The following PRKD1 variants were observed in gnomAD, a reference collection of about 807,000 sequenced individuals.
PRKD1 encodes the protein protein kinase D1.
In PRKD1, 63 loss-of-function variants were observed where a neutral mutation model predicts 95.9. That is an observed-to-expected ratio of 0.66 (90% CI 0.54 to 0.81). The LOEUF is 0.81. Among genes scored for constraint, PRKD1 ranks in the 30% least tolerant of loss-of-function variants. PRKD1 has a pLI of 0.00. For missense variants in PRKD1, 1,048 were observed against 1,165.3 expected (o/e 0.90, Z 1.47); for synonymous variants, 425 against 423.1 (o/e 1.00, Z -0.05).
intron 2 of PRKD1, among the ~76,000 whole-genome samples, chr14:29,710,053 A>C (rs1248111438): frequency 6.6e-6 from 1 of 152,174 alleles, no homozygotes. Context: ...TGAATTAAAA[A>C]ACAGAACTAT....
At chr14:29,775,168 G>A (rs971095111) in intron 1 of PRKD1, among the ~76,000 whole-genome samples, 13 of 152,286 alleles carry the variant, frequency 8.5e-5, no homozygotes, top group African/African-American at 2.4e-4. Context: ...GGACCGAGAG[G>A]TTCCAAGATG....
chr14:29,821,185 C>T (rs552244412), intron 1 of PRKD1, among the ~76,000 whole-genome samples: 1 of 152,226 alleles, frequency 6.6e-6, no homozygotes, highest in African/African-American at 2.4e-5. Context: ...TAGGGTAACA[C>T]TGAGGATAAT....
At chr14:29,609,799 T>C (rs1878326291) in intron 13 of PRKD1, among the ~76,000 whole-genome samples, 1 of 150,754 alleles carries the variant, frequency 6.6e-6, no homozygotes, top group African/African-American at 2.4e-5. Context: ...CCTCAAGTGA[T>C]CTGTCTGCCT....
At chr14:29,749,460 G>A (rs1167268063) in intron 1 of PRKD1, among the ~76,000 whole-genome samples, 1 of 152,120 alleles carries the variant, frequency 6.6e-6, no homozygotes, top group Non-Finnish European at 1.5e-5. Flanking sequence ...CTCTTCCAGT[G>A]ACTCATTTCC....
chr14:29,802,490 T>C (rs924430194), intron 1 of PRKD1, among the ~76,000 whole-genome samples: 9 of 152,236 alleles, frequency 5.9e-5, no homozygotes, highest in African/African-American at 1.9e-4. Flanking sequence ...TGTGGTTTTC[T>C]AGACCTGGAT....
intron 4 of PRKD1, among the ~76,000 whole-genome samples, chr14:29,653,945 T>G (rs1425553294): frequency 6.6e-6 from 1 of 152,132 alleles, no homozygotes; most frequent in Admixed American, 6.5e-5. Context: ...TATAGATATA[T>G]TTCAAATTAG....
At chr14:29,890,086 T>A (rs1270946514) in intron 1 of PRKD1, among the ~76,000 whole-genome samples, 1 of 152,240 alleles carries the variant, frequency 6.6e-6, no homozygotes. Context: ...CCCTAGATTA[T>A]ATTATTGCTA....
chr14:29,868,778 C>T (rs1893000326), intron 1 of PRKD1, among the ~76,000 whole-genome samples: 1 of 152,090 alleles, frequency 6.6e-6, no homozygotes, highest in Non-Finnish European at 1.5e-5. Context: ...CAAATGTTTT[C>T]ATGGAACAAT....
chr14:29,725,786 A>G (rs978293901), intron 1 of PRKD1, 112 bp from the exon 2 acceptor site: 12 of 1,003,312 alleles, frequency 1.2e-5, no homozygotes, highest in Admixed American at 3.1e-5. Context: ...AAGTATCTAG[A>G]TCATTAAAAT....
intron 2 of PRKD1, among the ~76,000 whole-genome samples, chr14:29,699,878 G>A (rs1425962533): frequency 1.3e-5 from 2 of 152,160 alleles, no homozygotes; most frequent in Middle Eastern, 3.4e-3. Flanking sequence ...AAACCACATT[G>A]TTTTAATTAT....
At chr14:29,693,060 A>T (rs1463580039) in intron 2 of PRKD1, among the ~76,000 whole-genome samples, 1 of 105,424 alleles carries the variant, frequency 9.5e-6, no homozygotes, top group African/African-American at 6.9e-5. Flanking sequence ...TTGGTAAAGA[A>T]TTTGGGCATT....
intron 2 of PRKD1, among the ~76,000 whole-genome samples, chr14:29,713,360 T>A (rs2139361861): frequency 6.6e-6 from 1 of 152,296 alleles, no homozygotes; most frequent in South Asian, 2.1e-4. Context: ...AAAATCTAGA[T>A]GATTCGTTTG....
intron 1 of PRKD1, among the ~76,000 whole-genome samples, chr14:29,910,165 AAGGTCTGCAACTTCACTCCTG>A (rs1894654012): frequency 6.6e-6 from 1 of 152,142 alleles, no homozygotes; most frequent in African/African-American, 2.4e-5. Flanking sequence ...ACTCACTGCG[AAGGTCTGCAACTTCACTCCTG>A]AGGCCAGTGA....
At chr14:29,683,395 T>C (rs1883646590) in intron 2 of PRKD1, among the ~76,000 whole-genome samples, 1 of 152,152 alleles carries the variant, frequency 6.6e-6, no homozygotes, top group South Asian at 2.1e-4. Flanking sequence ...ATGGGTTCTG[T>C]TCTAGATATG....
intron 1 of PRKD1, among the ~76,000 whole-genome samples, chr14:29,873,771 C>A (rs1368708600): frequency 6.6e-6 from 1 of 151,522 alleles, no homozygotes. Context: ...AGATTATGTT[C>A]ATATTAATAT....
At chr14:29,711,485 G>A (rs1191634173) in intron 2 of PRKD1, among the ~76,000 whole-genome samples, 1 of 152,070 alleles carries the variant, frequency 6.6e-6, no homozygotes, top group African/African-American at 2.4e-5. Flanking sequence ...TCCTTCATTG[G>A]TGGTTAGAAA....
At chr14:29,832,681 C>G (rs1296872648) in intron 1 of PRKD1, among the ~76,000 whole-genome samples, 1 of 152,010 alleles carries the variant, frequency 6.6e-6, no homozygotes, top group African/African-American at 2.4e-5. Context: ...TCCTTTTTTG[C>G]ATTGAGCAAA....
At chr14:29,768,289 T>A (rs4981717) in intron 1 of PRKD1, among the ~76,000 whole-genome samples, 5 of 152,224 alleles carry the variant, frequency 3.3e-5, no homozygotes, top group African/African-American at 1.2e-4. Flanking sequence ...TAAAGTTCCC[T>A]GCATTTCCAG....
intron 1 of PRKD1, among the ~76,000 whole-genome samples, chr14:29,920,015 G>GGGAAGGAAGGAAGGAA (rs398043721): frequency 8.0e-4 from 84 of 104,426 alleles, no homozygotes; most frequent in African/African-American, 2.2e-3. Flanking sequence ...GAAGGAAGGA[G>GGGAAGGAAGGAAGGAA]GGAAGGAAGG....
Sources: gnomAD v4.1 joint callset for allele counts (sites outside exome capture counted in the v4.1 genomes callset) on GRCh38, gnomAD v4.1.1 for gene constraint, MANE v1.5 for transcripts, NCBI Gene and HGNC (gene_info 2026-07-23, HGNC 2026-07-21) for gene names.